AKT3: variants seen among roughly 807,000 people sequenced by gnomAD.
AKT3 encodes RAC-gamma serine/threonine-protein kinase.
A neutral mutation model predicts 65.3 loss-of-function variants in AKT3; 15 were observed. The observed-to-expected ratio is 0.23, with a 90% CI of 0.15 to 0.35. The LOEUF (loss-of-function observed/expected upper bound fraction) is 0.35, where lower values mean the gene tolerates loss of function less well. AKT3 is among the 10% of genes least tolerant of loss of function. The pLI is 1.00. For missense variants in AKT3, 243 were observed against 576.5 expected (o/e 0.42, Z 5.92); for synonymous variants, 206 against 183.8 (o/e 1.12, Z -0.98).
chr1:243,491,776 C>CT (rs1205544037), intron 13 of AKT3, among the ~76,000 whole-genome samples: 4 of 152,332 alleles, frequency 2.6e-5, no homozygotes, highest in South Asian at 4.1e-4. Context: ...GCCACCCTCT[C>CT]TGTTTTCCTG....
rs575945504 is a variant in AKT3, at chr1:243,772,438, G to T, written c.46+70687C>A. Among the ~76,000 whole-genome samples, 14 of 152,286 alleles carry T rather than the reference G, an allele frequency of 9.2e-5. 1 individual carries two copies. Among genetic ancestry groups the T allele is most frequent in the African/African-American group, 3.4e-4 (14 of 41,562 alleles). ...GCAGCCAAAAGACATATGAAAAAATGCTCTTCATCACTGGCCATCAGAGAA... is the reference window on the plus strand; with the variant it reads ...GCAGCCAAAAGACATATGAAAAAATTCTCTTCATCACTGGCCATCAGAGAA... On this transcript the variant is annotated intron_variant, in intron 2 of 13. Coordinates refer to ENST00000673466, the MANE Select transcript of AKT3 (RefSeq NM_005465.7).
chr1:243,787,225 C>A (rs924193424), intron 2 of AKT3, among the ~76,000 whole-genome samples: 1 of 152,052 alleles, frequency 6.6e-6, no homozygotes, highest in Non-Finnish European at 1.5e-5. Flanking sequence ...CCTAGTAAGA[C>A]AACATTTCAA....
Position 243,670,259 on chromosome 1 carries a change from T to C in AKT3, c.173-5376A>G, listed in dbSNP as rs531090493. On this transcript the variant is annotated intron_variant, in intron 3 of 13. Coordinates refer to ENST00000673466, the MANE Select transcript of AKT3 (RefSeq NM_005465.7). ...CTACACCAAGATGTTCAAGTGGTAG[T>C]TGGATCACTACCAAGAGAATATCAC... Among the ~76,000 whole-genome samples the C allele has an allele frequency of 8.5e-5, 13 of 152,340 alleles. No homozygotes were observed. The South Asian group carries it at 1.7e-3, about 19-fold the overall frequency.
chr1:243,690,948 A>T (rs775102569), intron 3 of AKT3, among the ~76,000 whole-genome samples: 2 of 152,198 alleles, frequency 1.3e-5, no homozygotes, highest in African/African-American at 2.4e-5. Flanking sequence ...TAGGAGATAT[A>T]AGATAAATAA....
At chr1:243,720,732 C>T (rs1686838894) in intron 2 of AKT3, among the ~76,000 whole-genome samples, 1 of 152,120 alleles carries the variant, frequency 6.6e-6, no homozygotes, top group Admixed American at 6.5e-5. Context: ...AGGGTTAATA[C>T]AATTTGGAGC....
intron 2 of AKT3, among the ~76,000 whole-genome samples, chr1:243,813,470 C>T (rs1042405954): frequency 6.7e-6 from 1 of 150,092 alleles, no homozygotes; most frequent in Non-Finnish European, 1.5e-5. Context: ...CCACCTGTTC[C>T]CCAAACGCCT....
intron 6 of AKT3, among the ~76,000 whole-genome samples, chr1:243,627,356 A>G (rs988316653): frequency 1.3e-5 from 2 of 151,864 alleles, no homozygotes; most frequent in African/African-American, 4.8e-5. Flanking sequence ...AGAGAGAGAC[A>G]TACTGATTGA....
chr1:243,690,914 AGT>A (rs1684648647), intron 3 of AKT3, among the ~76,000 whole-genome samples: 1 of 152,210 alleles, frequency 6.6e-6, no homozygotes, highest in Non-Finnish European at 1.5e-5. Flanking sequence ...TCACTTAAAA[AGT>A]TAAGTCATAA....
intron 6 of AKT3, among the ~76,000 whole-genome samples, chr1:243,626,996 G>T (rs551365353): frequency 1.7e-4 from 26 of 152,198 alleles, no homozygotes; most frequent in African/African-American, 6.0e-4. Context: ...TATCATGGTG[G>T]ACCAAAAGAG....
intron 12 of AKT3, among the ~76,000 whole-genome samples, chr1:243,521,588 TTTCA>T (rs1670723189): frequency 6.6e-6 from 1 of 152,222 alleles, no homozygotes; most frequent in Admixed American, 6.5e-5. Flanking sequence ...AATAATTATA[TTTCA>T]TTTTTACAAA....
At chr1:243,512,283 T>C (rs753084691) in intron 13 of AKT3, 41 bp downstream of exon 13, 27 of 1,130,096 alleles carry the variant, frequency 2.4e-5, no homozygotes, top group Admixed American at 4.9e-5. Flanking sequence ...TTAGGAGAAA[T>C]TATATTAGAA....
chr1:243,745,323 G>C (rs1427404561), intron 2 of AKT3, among the ~76,000 whole-genome samples: 2 of 152,170 alleles, frequency 1.3e-5, no homozygotes, highest in African/African-American at 4.8e-5. Flanking sequence ...CTGGGCAACA[G>C]AGGGAGATCC....
chr1:243,509,807 C>T (rs954272845), intron 13 of AKT3, among the ~76,000 whole-genome samples: 1 of 152,138 alleles, frequency 6.6e-6, no homozygotes, highest in African/African-American at 2.4e-5. Context: ...GCTTCTCAGG[C>T]ACACGGGAGG....
rs535157754 is a variant in AKT3, at chr1:243,644,425, C to A, written c.429+1468G>T. Among the ~76,000 whole-genome samples the A allele has an allele frequency of 3.4e-4, 52 of 152,172 alleles. 1 individual carries two copies. Among genetic ancestry groups the A allele is most frequent in the African/African-American group, 1.2e-3 (48 of 41,524 alleles). On this transcript the variant is annotated intron_variant, in intron 5 of 13. Coordinates refer to ENST00000673466, the MANE Select transcript of AKT3 (RefSeq NM_005465.7). ...GCCTGGGGTTAAGTACTGGCTCCCA[C>A]CCTGTGTGTAATTAAGGGGAAAATT...
At chr1:243,534,076 G>A (rs113222255) in intron 12 of AKT3, among the ~76,000 whole-genome samples, 8 of 152,166 alleles carry the variant, frequency 5.3e-5, no homozygotes, top group African/African-American at 1.9e-4. Context: ...AAAGACATCA[G>A]CTAAAAGACA....
intron 12 of AKT3, among the ~76,000 whole-genome samples, chr1:243,545,287 GA>G (rs1267481366): frequency 6.6e-6 from 1 of 152,060 alleles, no homozygotes; most frequent in Non-Finnish European, 1.5e-5. Flanking sequence ...GAAAAAAATA[GA>G]AAAATTCTGT....
intron 3 of AKT3, among the ~76,000 whole-genome samples, chr1:243,686,606 ATT>A (rs1228064888): frequency 9.0e-6 from 1 of 111,462 alleles, no homozygotes; most frequent in African/African-American, 3.3e-5. Context: ...TTTGGATAGC[ATT>A]TTACAACATA....
At chr1:243,623,738 G>A (rs895650994) in intron 6 of AKT3, among the ~76,000 whole-genome samples, 3 of 152,232 alleles carry the variant, frequency 2.0e-5, no homozygotes, top group Admixed American at 1.3e-4. Context: ...ACGGAGATAC[G>A]TTACCAGCAT....
chr1:243,804,226 G>A (rs986850162), intron 2 of AKT3, among the ~76,000 whole-genome samples: 6 of 152,118 alleles, frequency 3.9e-5, no homozygotes, highest in African/African-American at 1.4e-4. Context: ...GAAGCCCTCA[G>A]TTAAAAAATA....
Sources: gnomAD v4.1 joint callset for allele counts (sites outside exome capture counted in the v4.1 genomes callset) on GRCh38, gnomAD v4.1.1 for gene constraint, MANE v1.5 for transcripts, NCBI Gene and HGNC (gene_info 2026-07-23, HGNC 2026-07-21) for gene names.